Variants in TRPM2 observed in about 807,000 individuals in gnomAD.
TRPM2 encodes estrogen-responsive element-associated gene 1 protein.
Under a neutral mutation model 174.0 loss-of-function variants are expected in TRPM2, and 161 were observed. The observed-to-expected ratio is 0.93, with a 90% CI of 0.81 to 1.05. The LOEUF (loss-of-function observed/expected upper bound fraction) is 1.05. TRPM2 is among the 50% of genes least tolerant of loss of function. The probability of loss-of-function intolerance (pLI) is 0.00; values close to 1 mark genes in which losing one functional copy is unlikely to be tolerated. For synonymous variants in TRPM2, 954 were observed against 861.3 expected, an observed-to-expected ratio of 1.11 and a Z score of -1.88; for missense variants, 2,057 against 2,038.0, an observed-to-expected ratio of 1.01 and a Z score of -0.18.
At position 44,369,242 on chromosome 21, in the gene TRPM2, G is replaced by A; in HGVS notation, c.670G>A (p.Asp224Asn). Residue 224 changes from aspartate (D) to asparagine (N), a missense_variant, in exon 5 of 32, where the codon GAC becomes AAC. Asp to Asn is a conservative substitution (Grantham distance 23). Coordinates refer to ENST00000397928, the MANE Select transcript of TRPM2 (RefSeq NM_003307.4). Reference protein sequence around the residue: ...VMKQVGEAVRDFSLSSSYKEG... With the variant: ...VMKQVGEAVRNFSLSSSYKEG... ...GAAGCAGGTAGGCGAGGCGGTGCGGGACTTCAGCCTGAGCAGCAGCTACAA... is the reference window on the plus strand; with the variant it reads ...GAAGCAGGTAGGCGAGGCGGTGCGGAACTTCAGCCTGAGCAGCAGCTACAA... 1.9e-6 allele frequency: 3 copies of A among 1,613,732 alleles called. No homozygotes were observed. In the South Asian group the frequency reaches 3.3e-5, roughly 18 times the overall value.
chr21:44,361,149 A>G (rs1413464485), intron 2 of TRPM2, among the ~76,000 whole-genome samples: 1 of 151,972 alleles, frequency 6.6e-6, no homozygotes, highest in Non-Finnish European at 1.5e-5. Context: ...CAATATTATT[A>G]TTATTATTAT....
Position 44,417,924 on chromosome 21 carries a change from C to A in TRPM2, c.3147-3C>A, listed in dbSNP as rs908761896. On this transcript the variant is annotated splice_region_variant and splice_polypyrimidine_tract_variant and intron_variant, in intron 20 of 31. Transcript: ENST00000397928. ...CGAGGTGTTGCTTTCTCCTCCCTGA[C>A]AGCTACACCTTCCAGCAGGTGCAGG... 5.0e-6 allele frequency: 8 copies of A among 1,610,018 alleles called. No homozygotes were observed. The highest frequency in any genetic ancestry group is 5.1e-6 in the Non-Finnish European group (6 of 1,178,642).
chr21:44,403,715 A>C (rs1444584663), intron 16 of TRPM2, among the ~76,000 whole-genome samples: 1 of 146,636 alleles, frequency 6.8e-6, no homozygotes, highest in African/African-American at 2.7e-5. Flanking sequence ...GCATACACAC[A>C]TATGCATGGA....
At chr21:44,403,457 AAC>A (rs372025495) in intron 16 of TRPM2, among the ~76,000 whole-genome samples, 1 of 152,044 alleles carries the variant, frequency 6.6e-6, no homozygotes, top group Non-Finnish European at 1.5e-5. Context: ...GCGCTGCTCC[AAC>A]ACACACACAC....
chr21:44,410,980 A>G (rs1353797272), intron 19 of TRPM2, among the ~76,000 whole-genome samples: 2 of 147,182 alleles, frequency 1.4e-5, no homozygotes, highest in African/African-American at 5.1e-5. Context: ...TTTTGACCAC[A>G]CTGTCTTGGT....
At chr21:44,363,789 G>A (rs2048281194) in intron 2 of TRPM2, among the ~76,000 whole-genome samples, 1 of 152,178 alleles carries the variant, frequency 6.6e-6, no homozygotes, top group Non-Finnish European at 1.5e-5. Flanking sequence ...AAGATCTTGA[G>A]TTTTAGCTGG....
intron 2 of TRPM2, among the ~76,000 whole-genome samples, chr21:44,363,051 C>G (rs111615492): frequency 0.039 from 5,903 of 152,272 alleles, 375 homozygotes; most frequent in African/African-American, 0.13. Context: ...GGATTATAGG[C>G]GTGAGCCACT....
rs1332346905 is a variant in TRPM2, at chr21:44,400,379, A to AGGGCTGCG, written c.2321+19_2321+26dup. The stretch of plus-strand genomic sequence containing the variant: ...CGGCCTCATCTCCTTCAGGTGCTGC[A>AGGGCTGCG]GGGCTGCGGGGCTGCGGGACTGTGG... On this transcript the variant is annotated intron_variant, in intron 15 of 31. Transcript: ENST00000397928. The AGGGCTGCG allele has an allele frequency of 3.7e-6, 6 of 1,607,388 alleles. No homozygotes were observed. In the East Asian group the frequency reaches 6.7e-5, roughly 18 times the overall value.
chr21:44,380,508 T>C (rs1165329025), intron 8 of TRPM2, among the ~76,000 whole-genome samples: 1 of 152,228 alleles, frequency 6.6e-6, no homozygotes, highest in Non-Finnish European at 1.5e-5. Context: ...CTATTTTTAA[T>C]GCACTCTCCA....
intron 2 of TRPM2, among the ~76,000 whole-genome samples, chr21:44,356,632 T>C (rs2048072896): frequency 6.6e-6 from 1 of 151,430 alleles, no homozygotes; most frequent in South Asian, 2.1e-4. Flanking sequence ...CCCAGGTTCA[T>C]GCGATTCACC....
At chr21:44,437,218 C>T in intron 29 of TRPM2, 51 bp downstream of exon 29, 2 of 1,485,140 alleles carry the variant, frequency 1.3e-6, no homozygotes, top group Admixed American at 3.9e-5. Flanking sequence ...CTGTGGGTCA[C>T]TCGTCCATTC....
chr21:44,368,433 T>G (rs950604981), intron 4 of TRPM2, among the ~76,000 whole-genome samples: 44 of 143,338 alleles, frequency 3.1e-4, no homozygotes, highest in Admixed American at 1.0e-3. Context: ...TATTTTTTTG[T>G]TTTTTTTTTG....
In TRPM2 at chr21:44,391,040, G is replaced by A; in HGVS notation, c.1440+15G>A. ...GGCAGTGGAAGGTAAGTCTTCCAGA[G>A]CACCCCGTGGAGGGGCCTACTGGGC... On this transcript the variant is annotated intron_variant, in intron 10 of 31. Coordinates refer to ENST00000397928, the MANE Select transcript of TRPM2 (RefSeq NM_003307.4). This position sits in a 1 kb window ranked among gnomAD's most constrained non-coding sequence, Gnocchi z 5.0. 6.2e-7 allele frequency: 1 copy of A among 1,613,554 alleles called. No homozygotes were observed. Among genetic ancestry groups the A allele is most frequent in the East Asian group, 2.2e-5 (1 of 44,878 alleles).
At chr21:44,361,333 G>A (rs2048202663) in intron 2 of TRPM2, among the ~76,000 whole-genome samples, 1 of 152,008 alleles carries the variant, frequency 6.6e-6, no homozygotes, top group Non-Finnish European at 1.5e-5. Flanking sequence ...GGATGGCTTT[G>A]AACTCCTGAC....
At chr21:44,395,600 G>A (rs750450258) in intron 12 of TRPM2, 49 bp downstream of exon 12, 40 of 1,607,360 alleles carry the variant, frequency 2.5e-5, no homozygotes, top group South Asian at 2.2e-4. Flanking sequence ...ATAGGCCAGC[G>A]GCCAGCTGGG....
rs572811660 is a variant in TRPM2 at position 44,413,806 on chromosome 21, G to A, written c.2963-85G>A. On this transcript the variant is annotated intron_variant, in intron 19 of 31. Coordinates refer to ENST00000397928, the MANE Select transcript of TRPM2 (RefSeq NM_003307.4). ...GCCTGCGGGGGACCTGGCAGTGACTGGAGGCCTCGAGGGCCCCCTCCTGCC... is the reference window on the plus strand; with the variant it reads ...GCCTGCGGGGGACCTGGCAGTGACTAGAGGCCTCGAGGGCCCCCTCCTGCC... 2.4e-5 allele frequency: 36 copies of A among 1,483,668 alleles called. No individual in the cohort carries two copies. In the South Asian group the frequency reaches 4.5e-4, roughly 18 times the overall value. The allele number at this position is 1,483,668 out of a possible 1,614,324, so 91.9% of individuals were successfully genotyped here. A position where few individuals can be genotyped will look rare whatever the true frequency, so the allele number is the denominator to read the frequency against.
In TRPM2 at chr21:44,390,939, T is replaced by G. The variant is rs761692475; in HGVS notation, c.1354T>G (p.Trp452Gly). 2 of 1,614,126 alleles carry G rather than the reference T, an allele frequency of 1.2e-6. No homozygotes were observed. Among genetic ancestry groups the G allele is most frequent in the East Asian group, 4.5e-5 (2 of 44,874 alleles). ...RSQDHFGHEN[W>G]DHQLKLAVAW... ...CCAAGACCACTTTGGCCACGAGAAC[T>G]GGGACCACCAGCTGAAACTGGCAGT... is the stretch of plus-strand genomic sequence containing the variant. The change falls in exon 10 of 32, where the codon TGG (tryptophan) becomes GGG (glycine). Residue 452 changes from tryptophan to glycine, a missense_variant. Trp to Gly is a radical substitution (Grantham distance 184, BLOSUM62 -2). Transcript: ENST00000397928.
chr21:44,436,881 TC>T (rs542248825), intron 28 of TRPM2, among the ~76,000 whole-genome samples, 180 bp from the exon 29 acceptor site: 24 of 152,300 alleles, frequency 1.6e-4, no homozygotes, highest in African/African-American at 5.8e-4. Context: ...AAGAAGGACG[TC>T]CCCTAAGTGG....
intron 2 of TRPM2, among the ~76,000 whole-genome samples, chr21:44,362,061 T>C (rs1282559973): frequency 6.6e-6 from 1 of 152,250 alleles, no homozygotes; most frequent in Non-Finnish European, 1.5e-5. Context: ...GGGGTTGCTC[T>C]AGATAGTATA....
Sources: gnomAD v4.1 joint callset for allele counts (sites outside exome capture counted in the v4.1 genomes callset) on GRCh38, gnomAD v4.1.1 for gene constraint, Gnocchi (gnomAD v3.1) non-coding constraint, MANE v1.5 for transcripts, NCBI Gene and HGNC (gene_info 2026-07-23, HGNC 2026-07-21) for gene names.